Variants in ZC2HC1B observed in about 807,000 individuals in gnomAD.
ZC2HC1B encodes zinc finger C2HC-type containing 1B.
In ZC2HC1B, 36 loss-of-function variants were observed where a neutral mutation model predicts 31.0. The ratio of observed to expected loss-of-function variants is 1.16; its 90% CI spans 0.89 to 1.54. The LOEUF is 1.54. Ranked by LOEUF, ZC2HC1B falls within the 40% of genes most tolerant of loss-of-function variation. The pLI is 0.00. For synonymous variants in ZC2HC1B, 73 were observed against 88.0 expected, an observed-to-expected ratio of 0.83 and a Z score of 0.95; for missense variants, 260 against 268.6, an observed-to-expected ratio of 0.97 and a Z score of 0.22.
rs4895625 is a variant in ZC2HC1B, at chr6:143,908,320, A to G, written c.598+5168A>G. 0.13 allele frequency among the ~76,000 whole-genome samples: 19,485 copies of G among 152,180 alleles called. 1,881 individuals are homozygous for G. Among genetic ancestry groups the G allele is most frequent in the East Asian group, 0.47 (2,440 of 5,168 alleles). ...TTTTCTAATTCTGTGAAGAATGTCA[A>G]TGGTAGTTTAATGGAAATTGCATTG... On this transcript the variant is annotated intron_variant, in intron 6 of 7. Coordinates refer to ENST00000237275, the MANE Select transcript of ZC2HC1B (RefSeq NM_001013623.3). This position sits in a 1 kb window ranked among gnomAD's most constrained non-coding sequence, Gnocchi z 4.4.
rs1197404812 is a variant in ZC2HC1B, at chr6:143,871,680, C to T, written c.28+7113C>T. On this transcript the variant is annotated intron_variant, in intron 1 of 7. Transcript: ENST00000237275. The surrounding 1 kb of genome is among the most constrained non-coding windows in gnomAD (Gnocchi z 4.1). ...GTCTTTCAAGTCCTTGATGGTGGTA[C>T]TAATCGCCACAGTCTCTGCAGGGAT... is the stretch of plus-strand genomic sequence containing the variant. Among the ~76,000 whole-genome samples the T allele has an allele frequency of 6.6e-6, 1 of 152,214 alleles. No individual in the cohort carries two copies. The highest frequency in any genetic ancestry group is 2.4e-5 in the African/African-American group (1 of 41,454).
intron 5 of ZC2HC1B, among the ~76,000 whole-genome samples, chr6:143,901,995 G>C (rs1335247519): frequency 6.6e-6 from 1 of 152,212 alleles, no homozygotes; most frequent in African/African-American, 2.4e-5. Flanking sequence ...AGCAGCAAAC[G>C]GAAGTGTTTT....
rs1377684264 is a variant in ZC2HC1B, at chr6:143,886,203, A to G, written c.210+52A>G. On this transcript the variant is annotated intron_variant, in intron 3 of 7. Coordinates refer to ENST00000237275, the MANE Select transcript of ZC2HC1B (RefSeq NM_001013623.3). The surrounding 1 kb of genome is among the most constrained non-coding windows in gnomAD (Gnocchi z 4.2). ...TGTTATTACATTCTGCGGTACTGTA[A>G]GGCCTATTTCTGGGATTTCTGGTTT... is the stretch of plus-strand genomic sequence containing the variant. 7.1e-7 allele frequency: 1 copy of G among 1,413,712 alleles called. No individual in the cohort carries two copies. The highest frequency in any genetic ancestry group is 9.2e-7 in the Non-Finnish European group (1 of 1,082,516). The allele number at this position is 1,413,712 out of a possible 1,614,324, so 87.6% of individuals were successfully genotyped here.
Position 143,872,683 on chromosome 6 carries a change from A to AAGTAG in ZC2HC1B, c.28+8116_28+8117insAGTAG, listed in dbSNP as rs1777356039. Among the ~76,000 whole-genome samples, 1 of 152,172 alleles carries AAGTAG rather than the reference A, an allele frequency of 6.6e-6. No homozygotes were observed. Among genetic ancestry groups the AAGTAG allele is most frequent in the Admixed American group, 6.5e-5 (1 of 15,278 alleles). The stretch of plus-strand genomic sequence containing the variant: ...ATCATGGCAGAAGGCAAAAGGCACT[A>AAGTAG]CTTACATGGTGGCAGCAAGAGAAAA... On this transcript the variant is annotated intron_variant, in intron 1 of 7. Transcript: ENST00000237275. The surrounding 1 kb of genome is among the most constrained non-coding windows in gnomAD (Gnocchi z 5.5).
intron 1 of ZC2HC1B, among the ~76,000 whole-genome samples, chr6:143,867,526 T>C (rs1777278910): frequency 6.6e-6 from 1 of 152,196 alleles, no homozygotes; most frequent in Non-Finnish European, 1.5e-5. Context: ...GAGGATTGCA[T>C]TCTTGTTTTA....
chr6:143,922,054 G>C lies in ZC2HC1B; in HGVS notation c.599-15595G>C, dbSNP rs1273792228. ...TACTGGGTGAAGGTGAATCTCTAAA[G>C]TGTTTAAGGACTTGGAGAAAAGTAC... On this transcript the variant is annotated intron_variant, in intron 6 of 7. Coordinates refer to ENST00000237275, the MANE Select transcript of ZC2HC1B (RefSeq NM_001013623.3). This position sits in a 1 kb window ranked among gnomAD's most constrained non-coding sequence, Gnocchi z 5.0. 6.6e-6 allele frequency among the ~76,000 whole-genome samples: 1 copy of C among 152,230 alleles called. No individual in the cohort carries two copies. Among genetic ancestry groups the C allele is most frequent in the Non-Finnish European group, 1.5e-5 (1 of 68,038 alleles).
In ZC2HC1B at chr6:143,903,943, T is replaced by A. The variant is rs1777765065; in HGVS notation, c.598+791T>A. Among the ~76,000 whole-genome samples, 1 of 152,240 alleles carries A rather than the reference T, an allele frequency of 6.6e-6. No homozygotes were observed. The highest frequency in any genetic ancestry group is 6.5e-5 in the Admixed American group (1 of 15,284). On this transcript the variant is annotated intron_variant, in intron 6 of 7. Coordinates refer to ENST00000237275, the MANE Select transcript of ZC2HC1B (RefSeq NM_001013623.3). The surrounding 1 kb of genome is among the most constrained non-coding windows in gnomAD (Gnocchi z 4.3). ...TTTTTAAATGTTCTCCATCTGTAGT[T>A]GTTAAATCTGCAGATGTGGAACCCA...
chr6:143,881,217 C>G (rs1359560505), intron 1 of ZC2HC1B, among the ~76,000 whole-genome samples: 1 of 152,034 alleles, frequency 6.6e-6, no homozygotes, highest in African/African-American at 2.4e-5. Flanking sequence ...CTCGTTTCAC[C>G]CAGCATTGAA....
rs895909291 is a variant in ZC2HC1B at position 143,922,255 on chromosome 6, G to A, written c.599-15394G>A. Among the ~76,000 whole-genome samples, 2 of 152,184 alleles carry A rather than the reference G, an allele frequency of 1.3e-5. No individual in the cohort carries two copies. The highest frequency in any genetic ancestry group is 2.9e-5 in the Non-Finnish European group (2 of 68,020). On this transcript the variant is annotated intron_variant, in intron 6 of 7. Coordinates refer to ENST00000237275, the MANE Select transcript of ZC2HC1B (RefSeq NM_001013623.3). The surrounding 1 kb of genome is among the most constrained non-coding windows in gnomAD (Gnocchi z 5.0). The stretch of plus-strand genomic sequence containing the variant: ...TGGTATTTTGATACATGAATAAAAT[G>A]TGTAATGATCAAATCAGGGTATTTA...
rs935855909 is a variant in ZC2HC1B at position 143,871,279 on chromosome 6, C to T, written c.28+6712C>T. ...ATCAATGTAATGGACCAGTGTGATA[C>T]CTTGTGGAAGCAAAAAGTGATCAAG... On this transcript the variant is annotated intron_variant, in intron 1 of 7. Coordinates refer to ENST00000237275, the MANE Select transcript of ZC2HC1B (RefSeq NM_001013623.3). This position sits in a 1 kb window ranked among gnomAD's most constrained non-coding sequence, Gnocchi z 4.1. Among the ~76,000 whole-genome samples the T allele has an allele frequency of 1.3e-5, 2 of 152,098 alleles. No homozygotes were observed. The highest frequency in any genetic ancestry group is 2.9e-5 in the Non-Finnish European group (2 of 68,016).
chr6:143,866,369 G>T lies in ZC2HC1B; in HGVS notation c.28+1802G>T, dbSNP rs150206478. 8.1e-4 allele frequency among the ~76,000 whole-genome samples: 123 copies of T among 152,350 alleles called. 3 individuals carry two copies. The East Asian group carries it at 0.022, about 28-fold the overall frequency. Reference sequence around the variant, plus strand: ...GCAAAACCATCTGGCAATACAGCACGCTGTAGAGTTATCAATTTGCCCTCG... The same window carrying T: ...GCAAAACCATCTGGCAATACAGCACTCTGTAGAGTTATCAATTTGCCCTCG... On this transcript the variant is annotated intron_variant, in intron 1 of 7. Transcript: ENST00000237275.
chr6:143,917,952 G>A lies in ZC2HC1B; in HGVS notation c.598+14800G>A, dbSNP rs550785091. On this transcript the variant is annotated intron_variant, in intron 6 of 7. Transcript: ENST00000237275. This position sits in a 1 kb window ranked among gnomAD's most constrained non-coding sequence, Gnocchi z 4.1. ...TCGATCATGTAGAAAACAAAAAAGTGGAGTTGCAAACCATTATTACAATAG... is the reference window on the plus strand; with the variant it reads ...TCGATCATGTAGAAAACAAAAAAGTAGAGTTGCAAACCATTATTACAATAG... Among the ~76,000 whole-genome samples, 35 of 152,290 alleles carry A rather than the reference G, an allele frequency of 2.3e-4. No individual in the cohort carries two copies. The highest frequency in any genetic ancestry group is 3.4e-3 in the Middle Eastern group (1 of 294).
chr6:143,888,787 G>C (rs957279932), intron 4 of ZC2HC1B, among the ~76,000 whole-genome samples: 6 of 152,080 alleles, frequency 3.9e-5, no homozygotes, highest in South Asian at 4.1e-4. Flanking sequence ...TGCTGATAGT[G>C]TTTTTGTGGA....
In ZC2HC1B at chr6:143,899,902, A is replaced by C. The variant is rs1267547864; in HGVS notation, c.489+1211A>C. 6.6e-6 allele frequency among the ~76,000 whole-genome samples: 1 copy of C among 152,250 alleles called. No individual in the cohort carries two copies. Among genetic ancestry groups the C allele is most frequent in the Non-Finnish European group, 1.5e-5 (1 of 68,042 alleles). On this transcript the variant is annotated intron_variant, in intron 5 of 7. Coordinates refer to ENST00000237275, the MANE Select transcript of ZC2HC1B (RefSeq NM_001013623.3). The surrounding 1 kb of genome is among the most constrained non-coding windows in gnomAD (Gnocchi z 5.0). ...GACTTAGAGCTGGTACAGTTGGCATATATAGGAGAGCTATGGAAGAAGAAG... is the reference window on the plus strand; with the variant it reads ...GACTTAGAGCTGGTACAGTTGGCATCTATAGGAGAGCTATGGAAGAAGAAG...
Position 143,905,233 on chromosome 6 carries a change from T to C in ZC2HC1B, c.598+2081T>C, listed in dbSNP as rs1777780004. Among the ~76,000 whole-genome samples, 1 of 152,250 alleles carries C rather than the reference T, an allele frequency of 6.6e-6. No individual in the cohort carries two copies. The highest frequency in any genetic ancestry group is 2.1e-4 in the South Asian group (1 of 4,838). On this transcript the variant is annotated intron_variant, in intron 6 of 7. Transcript: ENST00000237275. The surrounding 1 kb of genome is among the most constrained non-coding windows in gnomAD (Gnocchi z 4.2). Reference sequence around the variant, plus strand: ...TATTTCTGTTTATTTATGTCCTCTTTAATTTCTTTCAGCAATGTTTTGTAG... The same window carrying C: ...TATTTCTGTTTATTTATGTCCTCTTCAATTTCTTTCAGCAATGTTTTGTAG...
At chr6:143,889,878 C>T (rs1398674672) in intron 4 of ZC2HC1B, among the ~76,000 whole-genome samples, 2 of 152,032 alleles carry the variant, frequency 1.3e-5, no homozygotes, top group African/African-American at 2.4e-5. Flanking sequence ...TTCAAGTATA[C>T]GTGGAACAGT....
chr6:143,884,230 C>A lies in ZC2HC1B; in HGVS notation c.29-74C>A. 1 of 1,383,812 alleles carries A rather than the reference C, an allele frequency of 7.2e-7. No individual in the cohort carries two copies. The highest frequency in any genetic ancestry group is 9.9e-7 in the Non-Finnish European group (1 of 1,013,240). 85.7% of individuals were successfully genotyped at this position (1,383,812 alleles called of 1,614,324 possible). A position where few individuals can be genotyped will look rare whatever the true frequency, so the allele number is the denominator to read the frequency against. ...TGAGGATATCAAGCTATTGAGGTCA[C>A]CTCCAGTCAGTCATTTCTTCTCAGC... On this transcript the variant is annotated intron_variant, in intron 1 of 7. Transcript: ENST00000237275. This position sits in a 1 kb window ranked among gnomAD's most constrained non-coding sequence, Gnocchi z 5.1.
intron 4 of ZC2HC1B, among the ~76,000 whole-genome samples, chr6:143,891,643 A>T (rs1777603636): frequency 6.6e-6 from 1 of 151,054 alleles, no homozygotes; most frequent in African/African-American, 2.4e-5. Flanking sequence ...CAGTGAGCAG[A>T]GATGGCACCA....
rs1249522616 is a variant in ZC2HC1B at position 143,884,142 on chromosome 6, G to A, written c.29-162G>A. Among the ~76,000 whole-genome samples the A allele has an allele frequency of 6.6e-6, 1 of 152,194 alleles. No homozygotes were observed. Among genetic ancestry groups the A allele is most frequent in the Non-Finnish European group, 1.5e-5 (1 of 68,024 alleles). ...TATATCAGGAAAGGAAAACACAGGTGAGTTTAGTTTACACAGGGTCTTCCC... is the reference window on the plus strand; with the variant it reads ...TATATCAGGAAAGGAAAACACAGGTAAGTTTAGTTTACACAGGGTCTTCCC... On this transcript the variant is annotated intron_variant, in intron 1 of 7. Transcript: ENST00000237275. This position sits in a 1 kb window ranked among gnomAD's most constrained non-coding sequence, Gnocchi z 5.1.
Sources: gnomAD v4.1 joint callset for allele counts (sites outside exome capture counted in the v4.1 genomes callset) on GRCh38, gnomAD v4.1.1 for gene constraint, Gnocchi (gnomAD v3.1) non-coding constraint, MANE v1.5 for transcripts, NCBI Gene and HGNC (gene_info 2026-07-23, HGNC 2026-07-21) for gene names.